NUP93: variants seen among roughly 807,000 people sequenced by gnomAD.
The protein encoded by NUP93 is nuclear pore complex protein Nup93.
Under a neutral mutation model 107.8 loss-of-function variants are expected in NUP93, and 55 were observed. That is an observed-to-expected ratio of 0.51 (90% CI 0.41 to 0.64). NUP93 has a LOEUF of 0.64. Ranked by LOEUF, NUP93 falls within the 30% of genes least tolerant of loss-of-function variation. NUP93 has a pLI of 0.00. For synonymous variants in NUP93, 390 were observed against 397.5 expected, an observed-to-expected ratio of 0.98 and a Z score of 0.22; for missense variants, 937 against 1,044.7, an observed-to-expected ratio of 0.90 and a Z score of 1.42.
chr16:56,755,835 A>G (rs1962008442), intron 2 of NUP93, among the ~76,000 whole-genome samples: 1 of 152,206 alleles, frequency 6.6e-6, no homozygotes, highest in South Asian at 2.1e-4. Context: ...AGATTGCACC[A>G]CTGTACTCCT....
At chr16:56,749,616 C>T (rs545587261) in intron 2 of NUP93, among the ~76,000 whole-genome samples, 3 of 152,268 alleles carry the variant, frequency 2.0e-5, no homozygotes, top group South Asian at 2.1e-4. Context: ...TGTGGGACAT[C>T]GTCTGCTCTA....
rs1964108036 is a variant in NUP93, at chr16:56,845,657, C to T, written c.*1048C>T. On this transcript the variant is annotated 3_prime_UTR_variant, in exon 22 of 22. Transcript: ENST00000308159. ...GAATGGGCCAACTGGAGCCTTGAGA[C>T]AGTGGGCAGTGGTCTGCTCTGCTGG... 1 of 152,184 alleles carries T rather than the reference C, an allele frequency of 6.6e-6. No individual in the cohort carries two copies. Among genetic ancestry groups the T allele is most frequent in the African/African-American group, 2.4e-5 (1 of 41,432 alleles). 9.4% of individuals were successfully genotyped at this position (152,184 alleles called of 1,614,324 possible).
At chr16:56,812,241 T>C (rs1963331393) in intron 5 of NUP93, among the ~76,000 whole-genome samples, 1 of 152,178 alleles carries the variant, frequency 6.6e-6, no homozygotes, top group African/African-American at 2.4e-5. Flanking sequence ...GACTAAGATA[T>C]AGTGGTTTCT....
chr16:56,791,633 G>A (rs922141888), intron 3 of NUP93, among the ~76,000 whole-genome samples: 1 of 152,330 alleles, frequency 6.6e-6, no homozygotes, highest in South Asian at 2.1e-4. Context: ...GCAGTTTCAT[G>A]CCTTTCTTGA....
intron 1 of NUP93, among the ~76,000 whole-genome samples, chr16:56,745,274 G>C (rs1177649162): frequency 6.6e-6 from 1 of 152,182 alleles, no homozygotes; most frequent in Non-Finnish European, 1.5e-5. Context: ...ATCTGTTGGG[G>C]ACCAGCAAAG....
chr16:56,769,850 G>A (rs1300295046), intron 3 of NUP93, among the ~76,000 whole-genome samples: 2 of 152,116 alleles, frequency 1.3e-5, no homozygotes, highest in Non-Finnish European at 2.9e-5. Flanking sequence ...CTTACTTAGC[G>A]TCTGACTGGC....
intron 5 of NUP93, among the ~76,000 whole-genome samples, chr16:56,811,643 G>C (rs536402778): frequency 2.0e-5 from 3 of 151,984 alleles, no homozygotes; most frequent in East Asian, 3.9e-4. Context: ...GTTAATTTTT[G>C]TATTTTTAGT....
At chr16:56,778,393 G>A (rs1320306300) in intron 3 of NUP93, among the ~76,000 whole-genome samples, 1 of 152,188 alleles carries the variant, frequency 6.6e-6, no homozygotes, top group Non-Finnish European at 1.5e-5. Flanking sequence ...GGCGGCAGGT[G>A]TTGAAAGTTT....
intron 1 of NUP93, among the ~76,000 whole-genome samples, chr16:56,735,641 T>A (rs536943866): frequency 3.7e-4 from 57 of 152,036 alleles, no homozygotes; most frequent in African/African-American, 4.6e-4. Flanking sequence ...GGTCAGGAGT[T>A]CGAGACCAGC....
intron 5 of NUP93, among the ~76,000 whole-genome samples, chr16:56,814,210 G>T (rs1012360622): frequency 8.6e-5 from 13 of 151,896 alleles, no homozygotes; most frequent in African/African-American, 1.2e-4. Flanking sequence ...TTTGAGATAG[G>T]GTCTCTGTCA....
intron 5 of NUP93, among the ~76,000 whole-genome samples, chr16:56,808,607 TATAA>T (rs1290472220): frequency 1.5e-5 from 2 of 131,992 alleles, no homozygotes; most frequent in African/African-American, 5.9e-5. Context: ...AATACATTTA[TATAA>T]ATATTTATAA....
chr16:56,804,319 G>A (rs1304604350), intron 4 of NUP93, among the ~76,000 whole-genome samples: 1 of 152,184 alleles, frequency 6.6e-6, no homozygotes, highest in Non-Finnish European at 1.5e-5. Flanking sequence ...GTGTCCATCA[G>A]TGAATGAATG....
In NUP93 at chr16:56,844,746, A is replaced by G. The variant is rs1964093387; in HGVS notation, c.*137A>G. 4.9e-6 allele frequency: 2 copies of G among 411,898 alleles called. No homozygotes were observed. The highest frequency in any genetic ancestry group is 4.1e-5 in the African/African-American group (2 of 48,222). The allele number at this position is 411,898 out of a possible 1,614,324, so 25.5% of individuals were successfully genotyped here. ...GTATTATGTATTTTTGTCAACGCCA[A>G]TAAATTTCTTTGATTTGTATTTCTT... On this transcript the variant is annotated 3_prime_UTR_variant, in exon 22 of 22. Transcript: ENST00000308159.
intron 4 of NUP93, among the ~76,000 whole-genome samples, chr16:56,804,656 C>T (rs1963093572): frequency 6.6e-6 from 1 of 152,130 alleles, no homozygotes; most frequent in African/African-American, 2.4e-5. Flanking sequence ...CACCTGTAAT[C>T]CCAGCACTTT....
rs369836238 is a variant in NUP93 at position 56,823,854 on chromosome 16, A to G, written c.794+8A>G. 1 of 1,613,110 alleles carries G rather than the reference A, an allele frequency of 6.2e-7. No individual in the cohort carries two copies. Among genetic ancestry groups the G allele is most frequent in the South Asian group, 1.1e-5 (1 of 91,056 alleles). On this transcript the variant is annotated splice_region_variant and intron_variant, in intron 8 of 21. Coordinates refer to ENST00000308159, the MANE Select transcript of NUP93 (RefSeq NM_014669.5). ...GGCGTACCTTGAGCAGAGGTAAGGC[A>G]GCAGTAGCACAGTGGGGCTGGCTTT...
intron 16 of NUP93, 95 bp from the exon 17 acceptor site, chr16:56,836,506 G>A (rs937164430): frequency 4.1e-6 from 3 of 734,808 alleles, no homozygotes. Flanking sequence ...TCCACTTGAA[G>A]TATTTTTTGG....
At chr16:56,782,358 T>C (rs1167209366) in intron 3 of NUP93, 1 of 223,806 alleles carries the variant, frequency 4.5e-6, no homozygotes, top group East Asian at 1.8e-4. Context: ...GTTAACTCAT[T>C]TGATAGAAGA....
At position 56,821,563 on chromosome 16, in the gene NUP93, T is replaced by C. The variant is rs932698476; in HGVS notation, c.624T>C (p.Leu208=). The change falls in exon 7 of 22, where the codon CTT becomes CTC. Residue 208 remains leucine (L), a synonymous_variant. Transcript: ENST00000308159. The part of the protein sequence containing the change: ...NGHLQPNLVD[L]CASVAELDDK... ...ACCTGCAGCCTAACCTGGTGGACCT[T>C]TGTGCTTCCGTCGCAGAGCTCGATG... 4 of 1,613,392 alleles carry C rather than the reference T, an allele frequency of 2.5e-6. No homozygotes were observed. Among genetic ancestry groups the C allele is most frequent in the Non-Finnish European group, 3.4e-6 (4 of 1,179,414 alleles).
intron 3 of NUP93, among the ~76,000 whole-genome samples, chr16:56,792,717 G>A (rs1289089163): frequency 6.6e-6 from 1 of 152,212 alleles, no homozygotes; most frequent in Non-Finnish European, 1.5e-5. Flanking sequence ...TTATTAGTAT[G>A]CCATAAGCAT....
Sources: allele counts gnomAD v4.1 joint callset (sites outside exome capture counted in the v4.1 genomes callset), GRCh38; gene constraint gnomAD v4.1.1; transcripts MANE v1.5; gene names NCBI Gene and HGNC (gene_info 2026-07-23, HGNC 2026-07-21).